RUNX1: variants seen among roughly 807,000 people sequenced by gnomAD.
RUNX1 encodes the protein RUNX family transcription factor 1, also known as runt-related transcription factor 1.
RUNX1 carries 19 observed loss-of-function variants against 42.8 expected under a neutral mutation model. The observed-to-expected ratio is 0.44, with a 90% confidence interval of 0.31 to 0.65. The LOEUF (loss-of-function observed/expected upper bound fraction) is 0.65, where lower values mean the gene tolerates loss of function less well. RUNX1 is among the 30% of genes least tolerant of loss of function. The probability of loss-of-function intolerance (pLI) is 0.07; values close to 1 mark genes in which losing one functional copy is unlikely to be tolerated. For synonymous variants in RUNX1, 271 were observed against 289.4 expected, an observed-to-expected ratio of 0.94 and a Z score of 0.64; for missense variants, 528 against 672.0, an observed-to-expected ratio of 0.79 and a Z score of 2.37.
chr21:34,791,754 G>C lies in RUNX1; in HGVS notation c.*381C>G. Reference sequence around the variant, plus strand: ...ATAAACAACTTGGTTAAAAAGTTAAGTCAAGGGTATAAAATCTTTCTTTTT... The same window carrying C: ...ATAAACAACTTGGTTAAAAAGTTAACTCAAGGGTATAAAATCTTTCTTTTT... On this transcript the variant is annotated 3_prime_UTR_variant, in exon 9 of 9. Coordinates refer to ENST00000675419, the MANE Select transcript of RUNX1 (RefSeq NM_001754.5). 4.4e-6 allele frequency: 1 copy of C among 227,542 alleles called. No homozygotes were observed. The highest frequency in any genetic ancestry group is 8.8e-6 in the Non-Finnish European group (1 of 114,090). 14.1% of individuals were successfully genotyped at this position (227,542 alleles called of 1,614,324 possible). A position where few individuals can be genotyped will look rare whatever the true frequency, so the allele number is the denominator to read the frequency against.
At chr21:34,812,087 A>G (rs1216435241) in intron 7 of RUNX1, among the ~76,000 whole-genome samples, 1 of 152,062 alleles carries the variant, frequency 6.6e-6, no homozygotes, top group Non-Finnish European at 1.5e-5. Context: ...TAAGAGGCTA[A>G]AATGTTCCCT....
chr21:34,811,317 T>C (rs1373121666), intron 7 of RUNX1, among the ~76,000 whole-genome samples: 1 of 152,232 alleles, frequency 6.6e-6, no homozygotes, highest in Non-Finnish European at 1.5e-5. Flanking sequence ...CTTCCTCTGT[T>C]TTTCTCATGC....
chr21:34,791,771 T>C lies in RUNX1; in HGVS notation c.*364A>G, dbSNP rs1039884385. The C allele has an allele frequency of 4.4e-6, 1 of 226,844 alleles. No individual in the cohort carries two copies. The highest frequency in any genetic ancestry group is 8.8e-6 in the Non-Finnish European group (1 of 113,710). The allele number at this position is 226,844 out of a possible 1,614,324, so 14.1% of individuals were successfully genotyped here. A position where few individuals can be genotyped will look rare whatever the true frequency, so the allele number is the denominator to read the frequency against. ...AAAGTTAAGTCAAGGGTATAAAATC[T>C]TTCTTTTTATTCACAGCATTGCTAA... On this transcript the variant is annotated 3_prime_UTR_variant, in exon 9 of 9. Coordinates refer to ENST00000675419, the MANE Select transcript of RUNX1 (RefSeq NM_001754.5).
intron 2 of RUNX1, among the ~76,000 whole-genome samples, chr21:34,941,613 TAC>T (rs2058527122): frequency 6.6e-6 from 1 of 152,226 alleles, no homozygotes; most frequent in Admixed American, 6.5e-5. Context: ...TTAAGACTCT[TAC>T]TAAAGAACTC....
At chr21:34,961,552 G>A (rs955059802) in intron 2 of RUNX1, among the ~76,000 whole-genome samples, 86 of 152,228 alleles carry the variant, frequency 5.6e-4, no homozygotes, top group African/African-American at 1.8e-3. Context: ...TCAGTTCCTT[G>A]TAGCTTGTGA....
rs2056435578 is a variant in RUNX1 at position 34,791,611 on chromosome 21, A to G, written c.*524T>C. ...AAAAATAAAAACCACCCAAATGCAA[A>G]TACGCATTTTGCAATTGATAAGGTG... On this transcript the variant is annotated 3_prime_UTR_variant, in exon 9 of 9. Coordinates refer to ENST00000675419, the MANE Select transcript of RUNX1 (RefSeq NM_001754.5). 1 of 230,410 alleles carries G rather than the reference A, an allele frequency of 4.3e-6. No homozygotes were observed. The highest frequency in any genetic ancestry group is 8.6e-6 in the Non-Finnish European group (1 of 116,142). 14.3% of individuals were successfully genotyped at this position (230,410 alleles called of 1,614,324 possible). A position where few individuals can be genotyped will look rare whatever the true frequency, so the allele number is the denominator to read the frequency against.
intron 6 of RUNX1, among the ~76,000 whole-genome samples, chr21:34,839,143 TG>T (rs1294780351): frequency 1.3e-5 from 2 of 152,068 alleles, no homozygotes; most frequent in Non-Finnish European, 2.9e-5. Context: ...AACTAATGTG[TG>T]GGAAGTGAGG....
At chr21:34,887,614 T>C in intron 3 of RUNX1, 1 of 1,085,172 alleles carries the variant, frequency 9.2e-7, no homozygotes, top group Non-Finnish European at 1.1e-6. Flanking sequence ...ACAAGGCCAC[T>C]TTTATCATGC....
Position 34,965,156 on chromosome 21 carries a change from A to G in RUNX1, c.59-72193T>C, listed in dbSNP as rs139082081. Among the ~76,000 whole-genome samples, 373 of 151,924 alleles carry G rather than the reference A, an allele frequency of 2.5e-3. 3 individuals carry two copies. The highest frequency in any genetic ancestry group is 0.01 in the Admixed American group (154 of 15,256). On this transcript the variant is annotated intron_variant, in intron 2 of 8. Coordinates refer to ENST00000675419, the MANE Select transcript of RUNX1 (RefSeq NM_001754.5). ...ACACAAGTGCACAGTCCCCCACAAC[A>G]TGCACACTCTCACATATGCACACAT...
At chr21:35,027,704 G>A (rs1455222804) in intron 2 of RUNX1, among the ~76,000 whole-genome samples, 1 of 152,142 alleles carries the variant, frequency 6.6e-6, no homozygotes. Context: ...GAGGAAGGGT[G>A]GGATGTGGCA....
chr21:34,917,435 A>C (rs1299424048), intron 2 of RUNX1, among the ~76,000 whole-genome samples: 1 of 152,218 alleles, frequency 6.6e-6, no homozygotes, highest in African/African-American at 2.4e-5. Context: ...GTTGAACAAA[A>C]AGAATTGGAA....
Position 34,993,804 on chromosome 21 carries a change from G to C in RUNX1, c.58+55038C>G, listed in dbSNP as rs200032930. ...ACACACACACACAGACACACACACA[G>C]ACACACACACACACATACACAGACA... On this transcript the variant is annotated intron_variant, in intron 2 of 8. Transcript: ENST00000675419. 1.7e-3 allele frequency among the ~76,000 whole-genome samples: 150 copies of C among 90,510 alleles called. 2 individuals carry two copies. The highest frequency in any genetic ancestry group is 7.3e-3 in the African/African-American group (108 of 14,848). 59.4% of individuals were successfully genotyped at this position (90,510 alleles called of 152,430 possible).
chr21:34,826,982 T>C lies in RUNX1; in HGVS notation c.805+7428A>G, dbSNP rs1370020362. Among the ~76,000 whole-genome samples the C allele has an allele frequency of 5.9e-5, 9 of 152,326 alleles. No homozygotes were observed. The South Asian group carries it at 1.9e-3, about 32-fold the overall frequency. On this transcript the variant is annotated intron_variant, in intron 7 of 8. Transcript: ENST00000675419. ...TTAGGGGCAATTCTGGTGAGGGCTC[T>C]GAAAGAAGACCTTAGAACTAGGGGA...
chr21:34,903,386 T>A (rs139134892), intron 2 of RUNX1, among the ~76,000 whole-genome samples: 160 of 152,322 alleles, frequency 1.1e-3, no homozygotes, highest in African/African-American at 3.5e-3. Flanking sequence ...TTATTACAAC[T>A]GTTACTACCT....
At chr21:34,846,704 C>T (rs1289662957) in intron 6 of RUNX1, among the ~76,000 whole-genome samples, 1 of 152,206 alleles carries the variant, frequency 6.6e-6, no homozygotes, top group African/African-American at 2.4e-5. Flanking sequence ...TAGAGTTCAA[C>T]AGAGCAGCTC....
chr21:34,797,512 T>C lies in RUNX1; in HGVS notation c.967+1789A>G, dbSNP rs535724236. Among the ~76,000 whole-genome samples, 8 of 152,296 alleles carry C rather than the reference T, an allele frequency of 5.3e-5. No individual in the cohort carries two copies. In the East Asian group the frequency reaches 5.8e-4, roughly 11 times the overall value. On this transcript the variant is annotated intron_variant, in intron 8 of 8. Transcript: ENST00000675419. Reference sequence around the variant, plus strand: ...GACTTATGTAATAAATTCCAAAGGATAGACCCATAGCAGGAACATTTGAAG... The same window carrying C: ...GACTTATGTAATAAATTCCAAAGGACAGACCCATAGCAGGAACATTTGAAG...
chr21:34,792,654 T>TGCGGAGGCC lies in RUNX1; in HGVS notation c.968-53_968-45dup. On this transcript the variant is annotated intron_variant, in intron 8 of 8. Coordinates refer to ENST00000675419, the MANE Select transcript of RUNX1 (RefSeq NM_001754.5). The surrounding 1 kb of genome is among the most constrained non-coding windows in gnomAD (Gnocchi z 6.9). ...AACGGAGCGGAAGTGAGTAGGAGGT[T>TGCGGAGGCC]GCGGAGGCCACAGCTCTTCCCTCTG... 1 of 1,515,170 alleles carries TGCGGAGGCC rather than the reference T, an allele frequency of 6.6e-7. No individual in the cohort carries two copies. The highest frequency in any genetic ancestry group is 8.9e-7 in the Non-Finnish European group (1 of 1,124,048). 93.9% of individuals were successfully genotyped at this position (1,515,170 alleles called of 1,614,324 possible).
chr21:35,001,298 A>G (rs1414369467), intron 2 of RUNX1, among the ~76,000 whole-genome samples: 1 of 126,438 alleles, frequency 7.9e-6, no homozygotes, highest in African/African-American at 3.2e-5. Flanking sequence ...ATTTTTTTTG[A>G]GTTATGGTTT....
chr21:35,006,614 A>T (rs1053795684), intron 2 of RUNX1, among the ~76,000 whole-genome samples: 2 of 152,202 alleles, frequency 1.3e-5, no homozygotes, highest in Admixed American at 1.3e-4. Flanking sequence ...CCTGGTTGTT[A>T]CATAGGAAGT....
Sources: gnomAD v4.1 joint callset for allele counts (sites outside exome capture counted in the v4.1 genomes callset) on GRCh38, gnomAD v4.1.1 for gene constraint, Gnocchi (gnomAD v3.1) non-coding constraint, MANE v1.5 for transcripts, NCBI Gene and HGNC (gene_info 2026-07-23, HGNC 2026-07-21) for gene names.